The following SNAP91 variants were observed in gnomAD, a reference collection of about 807,000 sequenced individuals.
SNAP91 encodes the protein synaptosome associated protein 91.
SNAP91 carries 27 observed loss-of-function variants against 100.3 expected under a neutral mutation model. The observed-to-expected ratio is 0.27, with a 90% confidence interval of 0.20 to 0.37. The LOEUF (loss-of-function observed/expected upper bound fraction) is 0.37, where lower values mean the gene tolerates loss of function less well. Ranked by LOEUF, SNAP91 falls within the 10% of genes least tolerant of loss-of-function variation. The pLI is 1.00. For missense variants in SNAP91, 986 were observed against 1,123.7 expected (o/e 0.88, Z 1.75); for synonymous variants, 404 against 398.6 (o/e 1.01, Z -0.16).
intron 2 of SNAP91, among the ~76,000 whole-genome samples, chr6:83,691,754 T>C (rs995607499): frequency 1.3e-5 from 2 of 152,190 alleles, no homozygotes; most frequent in African/African-American, 2.4e-5. Context: ...ACCATTATTT[T>C]CTTAAAGAAG....
In SNAP91 at chr6:83,629,587, A is replaced by T. The variant is rs142558078; in HGVS notation, c.766-6245T>A. 4.1e-3 allele frequency among the ~76,000 whole-genome samples: 629 copies of T among 152,038 alleles called. 5 individuals carry two copies. Among genetic ancestry groups the T allele is most frequent in the African/African-American group, 0.015 (605 of 41,498 alleles). ...GTCTTTCACCTCCTCGGTTCGGTAT[A>T]TTCCTAAGTATTTTATTTTTTTGCA... On this transcript the variant is annotated intron_variant, in intron 8 of 29. Transcript: ENST00000369694.
intron 2 of SNAP91, among the ~76,000 whole-genome samples, chr6:83,678,029 G>A (rs1457618521): frequency 6.6e-6 from 1 of 152,116 alleles, no homozygotes; most frequent in Admixed American, 6.6e-5. Flanking sequence ...TAGAAGATAT[G>A]AGCAGCTTGG....
intron 11 of SNAP91, among the ~76,000 whole-genome samples, chr6:83,614,385 A>G (rs992989032): frequency 2.0e-5 from 3 of 152,186 alleles, no homozygotes; most frequent in Non-Finnish European, 4.4e-5. Context: ...AAGGGCATAC[A>G]TATTCTTCAT....
At chr6:83,591,635 A>G (rs2093762832) in intron 21 of SNAP91, among the ~76,000 whole-genome samples, 1 of 152,198 alleles carries the variant, frequency 6.6e-6, no homozygotes, top group African/African-American at 2.4e-5. Flanking sequence ...GAATTTTTCC[A>G]TTTAGAATTC....
intron 8 of SNAP91, among the ~76,000 whole-genome samples, chr6:83,632,123 A>T (rs1343422982): frequency 6.6e-6 from 1 of 152,064 alleles, no homozygotes; most frequent in Non-Finnish European, 1.5e-5. Flanking sequence ...GTTTCACTGG[A>T]TACAAAATTC....
intron 8 of SNAP91, among the ~76,000 whole-genome samples, chr6:83,626,175 G>A (rs1025899444): frequency 5.3e-5 from 8 of 151,890 alleles, no homozygotes; most frequent in Admixed American, 3.3e-4. Flanking sequence ...TTGTAGGTAC[G>A]CTGCTTTATT....
At chr6:83,604,327 A>G (rs1236128286) in intron 14 of SNAP91, among the ~76,000 whole-genome samples, 1 of 152,098 alleles carries the variant, frequency 6.6e-6, no homozygotes, top group East Asian at 1.9e-4. Context: ...AGTTAAATAA[A>G]GCTGAGAGAA....
At chr6:83,599,368 A>C (rs991342491) in intron 16 of SNAP91, among the ~76,000 whole-genome samples, 2 of 152,204 alleles carry the variant, frequency 1.3e-5, no homozygotes, top group Admixed American at 6.5e-5. Context: ...TCAGCACAAA[A>C]TTATTATGCA....
At chr6:83,668,363 A>G (rs545364888) in intron 2 of SNAP91, among the ~76,000 whole-genome samples, 2 of 152,318 alleles carry the variant, frequency 1.3e-5, no homozygotes, top group Non-Finnish European at 2.9e-5. Context: ...TCATGCTGCT[A>G]TAAAGACACA....
At chr6:83,636,552 T>C (rs1447861823) in intron 8 of SNAP91, among the ~76,000 whole-genome samples, 1 of 152,174 alleles carries the variant, frequency 6.6e-6, no homozygotes, top group East Asian at 1.9e-4. Context: ...CTATCTCATC[T>C]TTCATATCTT....
intron 10 of SNAP91, among the ~76,000 whole-genome samples, chr6:83,616,670 A>T (rs2096500501): frequency 6.6e-6 from 1 of 152,122 alleles, no homozygotes; most frequent in South Asian, 2.1e-4. Context: ...TTGATTTTTA[A>T]ACAGGAGTAA....
At chr6:83,567,075 A>AC (rs1340580545) in intron 26 of SNAP91, among the ~76,000 whole-genome samples, 2 of 152,108 alleles carry the variant, frequency 1.3e-5, no homozygotes, top group Non-Finnish European at 2.9e-5. Flanking sequence ...TATAGCTCTT[A>AC]CTACAGGCAT....
At chr6:83,663,080 T>C (rs540865147) in intron 3 of SNAP91, among the ~76,000 whole-genome samples, 17 of 152,278 alleles carry the variant, frequency 1.1e-4, no homozygotes, top group East Asian at 3.9e-4. Context: ...TGAGTTGCCA[T>C]GAACTGTGCC....
intron 22 of SNAP91, among the ~76,000 whole-genome samples, chr6:83,585,571 T>C (rs907414381): frequency 4.6e-5 from 7 of 150,742 alleles, no homozygotes; most frequent in African/African-American, 1.7e-4. Flanking sequence ...GGAATGGAAT[T>C]GGAAACAGAG....
intron 8 of SNAP91, among the ~76,000 whole-genome samples, chr6:83,631,138 T>C (rs911437620): frequency 3.3e-5 from 5 of 152,252 alleles, no homozygotes; most frequent in East Asian, 1.9e-4. Flanking sequence ...TTTCCATGTA[T>C]TTGCATGGTT....
At chr6:83,634,672 T>G (rs1187708276) in intron 8 of SNAP91, among the ~76,000 whole-genome samples, 1 of 152,204 alleles carries the variant, frequency 6.6e-6, no homozygotes, top group Non-Finnish European at 1.5e-5. Flanking sequence ...CTATTTGTTT[T>G]CTTCTGCTAG....
intron 8 of SNAP91, among the ~76,000 whole-genome samples, chr6:83,625,906 C>CA (rs1289869807): frequency 6.6e-6 from 1 of 152,034 alleles, no homozygotes; most frequent in African/African-American, 2.4e-5. Context: ...ATTTTTGTTG[C>CA]AATTGCTTTT....
chr6:83,662,033 G>A (rs1450598796), intron 4 of SNAP91, among the ~76,000 whole-genome samples: 1 of 151,930 alleles, frequency 6.6e-6, no homozygotes. Context: ...TTTAAGACTC[G>A]AATCACTTTT....
At chr6:83,665,712 A>G in intron 2 of SNAP91, 131 bp from the exon 3 acceptor site, 1 of 697,276 alleles carries the variant, frequency 1.4e-6, no homozygotes, top group Non-Finnish European at 2.3e-6. Flanking sequence ...TGATAACAAA[A>G]TTTAAAAAAT....
Sources: gnomAD v4.1 joint callset for allele counts (sites outside exome capture counted in the v4.1 genomes callset) on GRCh38, gnomAD v4.1.1 for gene constraint, MANE v1.5 for transcripts, NCBI Gene and HGNC (gene_info 2026-07-23, HGNC 2026-07-21) for gene names.